LMNTD2: variants seen among roughly 807,000 people sequenced by gnomAD.
The protein encoded by LMNTD2 is lamin tail domain containing 2, also known as lamin tail domain-containing protein 2.
A neutral mutation model predicts 70.1 loss-of-function variants in LMNTD2; 83 were observed. The ratio of observed to expected loss-of-function variants is 1.18; its 90% confidence interval spans 0.99 to 1.42. The LOEUF is 1.42. Ranked by LOEUF, LMNTD2 falls within the 40% of genes most tolerant of loss-of-function variation. The pLI is 0.00. For synonymous variants in LMNTD2, 534 were observed against 406.1 expected (o/e 1.31, Z -3.79); for missense variants, 1,153 against 905.9 (o/e 1.27, Z -3.50).
At position 556,092 on chromosome 11, in the gene LMNTD2, G is replaced by C. The variant is rs898235211; in HGVS notation, c.1281C>G (p.Ser427Arg). The C allele has an allele frequency of 9.2e-6, 14 of 1,528,330 alleles. No homozygotes were observed. The highest frequency in any genetic ancestry group is 2.9e-5 in the African/African-American group (2 of 69,876). The allele number at this position is 1,528,330 out of a possible 1,614,324, so 94.7% of individuals were successfully genotyped here. A position where few individuals can be genotyped will look rare whatever the true frequency, so the allele number is the denominator to read the frequency against. The part of the protein sequence containing the change: ...HVTVWGEATR[S>R]AKKPLRASSS... ...AGGACGCGCGCAGCGGCTTCTTGGC[G>C]CTGCGGGTCGCCTCGCCCCAGACCT... is the stretch of plus-strand genomic sequence containing the variant. The change falls in exon 11 of 14, where the codon AGC (serine) becomes AGG (arginine). Residue 427 changes from serine to arginine, a missense_variant. Physicochemically the swap from Ser to Arg is moderately radical, Grantham distance 110. Transcript: ENST00000329451.
chr11:556,447 C>T (rs1385166085), intron 9 of LMNTD2, 45 bp downstream of exon 9: 1 of 1,548,110 alleles, frequency 6.5e-7, no homozygotes, highest in Admixed American at 2.0e-5. Context: ...CGCCCGGAAA[C>T]CAGCTCCAGT....
At chr11:557,294 G>C in intron 7 of LMNTD2, 105 bp downstream of exon 7, 1 of 1,427,660 alleles carries the variant, frequency 7.0e-7, no homozygotes, top group Non-Finnish European at 9.6e-7. Flanking sequence ...AGGTTTAAGA[G>C]ACTTATCCAG....
Position 556,049 on chromosome 11 carries a change from G to A in LMNTD2, c.1324C>T (p.Pro442Ser), listed in dbSNP as rs113093997. Residue 442 changes from proline to serine, a missense_variant, in exon 11 of 14, where the codon CCC becomes TCC. Coordinates refer to ENST00000329451, the MANE Select transcript of LMNTD2 (RefSeq NM_173573.3). ...LRASSSREPV[P>S]LLSIRGCATL... ...GCGCAGCCGCGGATGGAGAGGAGGG[G>A]AACGGGCTCCCGGCTCGAGGACGCG... is the stretch of plus-strand genomic sequence containing the variant. 10,086 of 1,553,360 alleles carry A rather than the reference G, an allele frequency of 6.5e-3. 42 individuals are homozygous for A. Among genetic ancestry groups the A allele is most frequent in the East Asian group, 8.8e-3 (340 of 38,634 alleles).
chr11:557,824 C>T (rs878974074), intron 5 of LMNTD2, 60 bp downstream of exon 5: 121 of 1,512,824 alleles, frequency 8.0e-5, no homozygotes, highest in East Asian at 1.2e-4. Flanking sequence ...AGGCACCCGA[C>T]GAGATGGGGA....
At chr11:559,001 C>T in intron 1 of LMNTD2, 22 bp from the exon 2 acceptor site, 2 of 1,594,754 alleles carry the variant, frequency 1.3e-6, no homozygotes, top group Non-Finnish European at 1.7e-6. Context: ...AGGAGAGCCT[C>T]TTCCTCGGTT....
At position 557,109 on chromosome 11, in the gene LMNTD2, G is replaced by A. The variant is rs770071581; in HGVS notation, c.714-12C>T. ...AGGGCCGGGGCTGCCTGTGGACCAC[G>A]CTCTGCTTGATGGCCACTCCAGCTC... On this transcript the variant is annotated splice_polypyrimidine_tract_variant and intron_variant, in intron 7 of 13. Transcript: ENST00000329451. 3.2e-5 allele frequency: 51 copies of A among 1,575,320 alleles called. 2 individuals are homozygous for A. The highest frequency in any genetic ancestry group is 2.7e-4 in the South Asian group (24 of 87,520).
At chr11:558,471 C>G (rs1252645870) in intron 3 of LMNTD2, 143 bp downstream of exon 3, 2 of 1,188,772 alleles carry the variant, frequency 1.7e-6, no homozygotes, top group Non-Finnish European at 2.3e-6. Context: ...AGCGTGTTAA[C>G]TTAGGATCAG....
rs1002498488 is a variant in LMNTD2, at chr11:556,167, G to T, written c.1257+25C>A. On this transcript the variant is annotated intron_variant, in intron 10 of 13. Transcript: ENST00000329451. The stretch of plus-strand genomic sequence containing the variant: ...GGGGCGGCCGGGCCGGGCCGTCGGG[G>T]CCGGGCTCCCGGGCCGGGGCGCACC... The T allele has an allele frequency of 3.0e-6, 4 of 1,326,890 alleles. No individual in the cohort carries two copies. In the East Asian group the frequency reaches 1.2e-4, roughly 41 times the overall value. 82.2% of individuals were successfully genotyped at this position (1,326,890 alleles called of 1,614,324 possible). A position where few individuals can be genotyped will look rare whatever the true frequency, so the allele number is the denominator to read the frequency against.
intron 1 of LMNTD2, chr11:559,730 G>A (rs550665634): frequency 9.0e-7 from 1 of 1,110,296 alleles, no homozygotes; most frequent in East Asian, 6.3e-5. Flanking sequence ...ACTGGCAATA[G>A]TACACTCCTG....
chr11:556,972 C>T lies in LMNTD2; in HGVS notation c.839G>A (p.Gly280Asp), dbSNP rs755074478. The T allele has an allele frequency of 1.9e-6, 3 of 1,606,216 alleles. No homozygotes were observed. The highest frequency in any genetic ancestry group is 1.3e-5 in the African/African-American group (1 of 74,878). ...LPCLNTSSSG[G>D]ADSDSSSCRP... is the part of the protein sequence containing the mutation. The stretch of plus-strand genomic sequence containing the variant: ...GCAGCTGCTGGAGTCGGAGTCAGCG[C>T]CCCCTGAGCTGCTGGTGTTCAGACA... The change falls in exon 8 of 14, where the codon GGC (glycine) becomes GAC (aspartate). Residue 280 changes from glycine to aspartate, a missense_variant. By Grantham distance (94) the Gly-to-Asp change is moderately conservative. Coordinates refer to ENST00000329451, the MANE Select transcript of LMNTD2 (RefSeq NM_173573.3).
intron 13 of LMNTD2, 28 bp downstream of exon 13, chr11:555,276 AG>A (rs778778910): frequency 7.4e-6 from 10 of 1,342,828 alleles, no homozygotes; most frequent in South Asian, 1.8e-5. Flanking sequence ...GAGGGAGAGG[AG>A]GGGGCGCACC....
At chr11:556,685 G>C in intron 8 of LMNTD2, 97 bp from the exon 9 acceptor site, 1 of 1,406,926 alleles carries the variant, frequency 7.1e-7, no homozygotes. Context: ...GCCTGGCGGG[G>C]CAGGGAGCAG....
At chr11:555,581 C>T in intron 12 of LMNTD2, 78 bp from the exon 13 acceptor site, 1 of 1,292,198 alleles carries the variant, frequency 7.7e-7, no homozygotes, top group Non-Finnish European at 9.9e-7. Flanking sequence ...TGGGGCGGGG[C>T]AGGGGCCGCG....
At chr11:558,110 C>T in intron 4 of LMNTD2, 51 bp downstream of exon 4, 13 of 1,606,652 alleles carry the variant, frequency 8.1e-6, no homozygotes, top group South Asian at 7.7e-5. Flanking sequence ...CCAGCCCCAG[C>T]CTGGCTCCCC....
chr11:555,262 CGAGGAGGGA>C, intron 13 of LMNTD2, 34 bp downstream of exon 13: 5 of 1,284,742 alleles, frequency 3.9e-6, no homozygotes, highest in South Asian at 1.9e-5. Flanking sequence ...AGGAGGAGAA[CGAGGAGGGA>C]GAGGAGGGGG....
chr11:554,858 A>G lies in LMNTD2; in HGVS notation c.*122T>C, dbSNP rs1852682661. The G allele has an allele frequency of 1.5e-6, 1 of 685,302 alleles. No homozygotes were observed. Among genetic ancestry groups the G allele is most frequent in the Admixed American group, 3.9e-5 (1 of 25,832 alleles). The allele number at this position is 685,302 out of a possible 1,614,324, so 42.5% of individuals were successfully genotyped here. ...ACCAACATTTCCAGCTCTCAGGTGT[A>G]CAGAAATGCGGTTTACTTTGTAGGC... On this transcript the variant is annotated 3_prime_UTR_variant, in exon 14 of 14. Coordinates refer to ENST00000329451, the MANE Select transcript of LMNTD2 (RefSeq NM_173573.3).
Position 555,441 on chromosome 11 carries a change from G to A in LMNTD2, c.1637C>T (p.Ala546Val), listed in dbSNP as rs1173539927. ...GGGGATCTCGGGGTTCTCGGGCCGC[G>A]CAGGCCCCTCCCGCGCGTGGAAGAG... ...GKLFHAREGP[A>V]RPENPEIPAP... Residue 546 changes from alanine to valine, a missense_variant, in exon 13 of 14, where the codon GCG becomes GTG. By Grantham distance (64) the Ala-to-Val change is moderately conservative. Coordinates refer to ENST00000329451, the MANE Select transcript of LMNTD2 (RefSeq NM_173573.3). 2.2e-6 allele frequency: 3 copies of A among 1,386,920 alleles called. No individual in the cohort carries two copies. The highest frequency in any genetic ancestry group is 3.4e-5 in the Admixed American group (1 of 29,540). The allele number at this position is 1,386,920 out of a possible 1,614,324, so 85.9% of individuals were successfully genotyped here. A position where few individuals can be genotyped will look rare whatever the true frequency, so the allele number is the denominator to read the frequency against.
rs1254650476 is a variant in LMNTD2, at chr11:555,739, T to TCTCCGGCGACTGACCCGGGG, written c.1549_1568dup (p.Arg523SerfsTer18). 3 of 1,404,136 alleles carry TCTCCGGCGACTGACCCGGGG rather than the reference T, an allele frequency of 2.1e-6. No homozygotes were observed. The highest frequency in any genetic ancestry group is 7.5e-5 in the Admixed American group (2 of 26,510). The allele number at this position is 1,404,136 out of a possible 1,614,324, so 87.0% of individuals were successfully genotyped here. On this transcript the variant is annotated frameshift_variant, in exon 12 of 14. Transcript: ENST00000329451. LOFTEE classifies it high-confidence loss of function. ...CGGGGACCCGCGGTCCCCACCCTGG[T>TCTCCGGCGACTGACCCGGGG]CTCCGGCGACTGACCCGGGGCTCCC...
Position 554,958 on chromosome 11 carries a change from T to TCCCGGC in LMNTD2, c.*16_*21dup, listed in dbSNP as rs1029290323. On this transcript the variant is annotated 3_prime_UTR_variant, in exon 14 of 14. Transcript: ENST00000329451. ...CGCCCGCCCGCGCCCTCCCTCGCGG[T>TCCCGGC]CCCGGCCCCACTCCTCCGCCCCTAG... 2.0e-6 allele frequency: 3 copies of TCCCGGC among 1,525,994 alleles called. No homozygotes were observed. Among genetic ancestry groups the TCCCGGC allele is most frequent in the East Asian group, 2.6e-5 (1 of 38,950 alleles). 94.5% of individuals were successfully genotyped at this position (1,525,994 alleles called of 1,614,324 possible).
Sources: gnomAD v4.1 joint callset for allele counts on GRCh38, gnomAD v4.1.1 for gene constraint, MANE v1.5 for transcripts, NCBI Gene and HGNC (gene_info 2026-07-23, HGNC 2026-07-21) for gene names.